The following ALDH1A1 variants were observed in gnomAD, a reference collection of about 807,000 sequenced individuals.
ALDH1A1 encodes the protein aldehyde dehydrogenase 1 family member A1, also known as aldehyde dehydrogenase 1A1.
Under a neutral mutation model 62.1 loss-of-function variants are expected in ALDH1A1, and 19 were observed. The observed-to-expected ratio is 0.31, with a 90% CI of 0.21 to 0.45. The LOEUF is 0.45. Ranked by LOEUF, ALDH1A1 falls within the 20% of genes least tolerant of loss-of-function variation. The probability of loss-of-function intolerance (pLI) is 1.00; values close to 1 mark genes in which losing one functional copy is unlikely to be tolerated. For synonymous variants in ALDH1A1, 231 were observed against 215.9 expected, an observed-to-expected ratio of 1.07 and a Z score of -0.61; for missense variants, 521 against 607.1, an observed-to-expected ratio of 0.86 and a Z score of 1.49.
intron 11 of ALDH1A1, among the ~76,000 whole-genome samples, chr9:72,907,886 GACTATTCAAGAAGA>G (rs1482946102): frequency 1.3e-5 from 2 of 152,088 alleles, no homozygotes; most frequent in Non-Finnish European, 2.9e-5. Flanking sequence ...TAGCTATACC[GACTATTCAAGAAGA>G]ACTTGCTGAA....
At chr9:72,908,597 AAGAAAGAAAG>A (rs1484877466) in intron 11 of ALDH1A1, among the ~76,000 whole-genome samples, 1 of 145,492 alleles carries the variant, frequency 6.9e-6, no homozygotes, top group Non-Finnish European at 1.5e-5. Context: ...GAAAGAAAGA[AAGAAAGAAAG>A]AAAGAAAGAA....
rs111512367 is a variant in ALDH1A1, at chr9:72,924,150, T to G, written c.634-18A>C. ...AACCCTGCCTAAAAGATAAAAAGTT[T>G]AAAAGTTACAGTATAAGAATTTAAT... On this transcript the variant is annotated intron_variant, in intron 6 of 12. Transcript: ENST00000297785. 16 of 1,560,782 alleles carry G rather than the reference T, an allele frequency of 1.0e-5. No individual in the cohort carries two copies. The highest frequency in any genetic ancestry group is 7.9e-6 in the Non-Finnish European group (9 of 1,141,908).
In ALDH1A1 at chr9:72,947,086, T is replaced by C. The variant is rs538549866; in HGVS notation, c.66+5849A>G. Among the ~76,000 whole-genome samples, 81 of 152,096 alleles carry C rather than the reference T, an allele frequency of 5.3e-4. 1 individual carries two copies. Among genetic ancestry groups the C allele is most frequent in the African/African-American group, 1.1e-3 (44 of 41,554 alleles). ...CATGTGTTCTTTACTTTAGAATTGT[T>C]AATTCCATTTTCTTACAGTCAGGCA... is the stretch of plus-strand genomic sequence containing the variant. On this transcript the variant is annotated intron_variant, in intron 1 of 12. Coordinates refer to ENST00000297785, the MANE Select transcript of ALDH1A1 (RefSeq NM_000689.5).
At chr9:72,935,736 A>G (rs1334485410) in intron 2 of ALDH1A1, among the ~76,000 whole-genome samples, 9 of 152,130 alleles carry the variant, frequency 5.9e-5, no homozygotes, top group Non-Finnish European at 1.0e-4. Context: ...TCTTTTCTTT[A>G]TAATACCGTT....
At chr9:72,946,848 T>A (rs1220086147) in intron 1 of ALDH1A1, among the ~76,000 whole-genome samples, 2 of 151,986 alleles carry the variant, frequency 1.3e-5, no homozygotes, top group Non-Finnish European at 2.9e-5. Context: ...TTGCAACATA[T>A]CATCCTATAG....
rs1282838720 is a variant in ALDH1A1 at position 72,927,194 on chromosome 9, A to C, written c.443-17T>G. The C allele has an allele frequency of 6.4e-7, 1 of 1,556,350 alleles. No individual in the cohort carries two copies. Among genetic ancestry groups the C allele is most frequent in the Non-Finnish European group, 8.8e-7 (1 of 1,135,418 alleles). ...AATTTCCATCTGAAAAATAAAACAC[A>C]CACAATCATATATAAACAAATGTAT... On this transcript the variant is annotated splice_polypyrimidine_tract_variant and intron_variant, in intron 4 of 12. Transcript: ENST00000297785.
chr9:72,937,590 C>T (rs1554742529), intron 2 of ALDH1A1, among the ~76,000 whole-genome samples: 2 of 152,148 alleles, frequency 1.3e-5, no homozygotes, highest in Admixed American at 1.3e-4. Flanking sequence ...AATCTACGCT[C>T]TTACTATAGA....
At chr9:72,946,166 C>A (rs566908189) in intron 1 of ALDH1A1, among the ~76,000 whole-genome samples, 1 of 152,032 alleles carries the variant, frequency 6.6e-6, no homozygotes, top group South Asian at 2.1e-4. Flanking sequence ...AAAGTTCTGC[C>A]CATTTTTAGC....
intron 1 of ALDH1A1, among the ~76,000 whole-genome samples, chr9:72,947,111 A>G (rs1830485905): frequency 6.6e-6 from 1 of 151,962 alleles, no homozygotes; most frequent in African/African-American, 2.4e-5. Flanking sequence ...ACAGTCAGGC[A>G]GGTGCCAGAA....
chr9:72,934,523 G>A (rs1456961677), intron 2 of ALDH1A1, among the ~76,000 whole-genome samples: 2 of 152,044 alleles, frequency 1.3e-5, no homozygotes, highest in African/African-American at 2.4e-5. Context: ...CAAACTTAGT[G>A]TTTACATTTT....
intron 1 of ALDH1A1, among the ~76,000 whole-genome samples, chr9:72,951,810 T>C (rs1267405064): frequency 2.6e-5 from 4 of 152,032 alleles, no homozygotes; most frequent in South Asian, 4.1e-4. Context: ...TACCTTAAAA[T>C]ACACTTCATA....
At chr9:72,952,903 G>T in intron 1 of ALDH1A1, 32 bp downstream of exon 1, 1 of 1,607,636 alleles carries the variant, frequency 6.2e-7, no homozygotes, top group Non-Finnish European at 8.5e-7. Flanking sequence ...TTGCAAACCC[G>T]AGTCAAAGCA....
At chr9:72,904,943 T>C (rs1330499835) in intron 12 of ALDH1A1, among the ~76,000 whole-genome samples, 2 of 152,196 alleles carry the variant, frequency 1.3e-5, no homozygotes, top group Non-Finnish European at 2.9e-5. Context: ...ACATAGCAAG[T>C]GCTTAATAAA....
chr9:72,918,949 T>C (rs1830099057), intron 7 of ALDH1A1, 127 bp from the exon 8 acceptor site: 3 of 427,664 alleles, frequency 7.0e-6, no homozygotes, highest in South Asian at 9.0e-5. Context: ...ACCAAATGGC[T>C]TTTTTTTTTG....
chr9:72,929,919 C>T (rs1418095538), intron 3 of ALDH1A1, among the ~76,000 whole-genome samples: 1 of 152,188 alleles, frequency 6.6e-6, no homozygotes, highest in East Asian at 1.9e-4. Flanking sequence ...TTTCTTCCTA[C>T]AGGTCATTTT....
At chr9:72,945,903 A>G (rs536184080) in intron 1 of ALDH1A1, among the ~76,000 whole-genome samples, 1 of 152,168 alleles carries the variant, frequency 6.6e-6, no homozygotes, top group African/African-American at 2.4e-5. Context: ...AACAAAAAAT[A>G]GGAGAAATAA....
intron 7 of ALDH1A1, among the ~76,000 whole-genome samples, chr9:72,920,943 G>A (rs554735844): frequency 6.6e-6 from 1 of 152,326 alleles, no homozygotes; most frequent in South Asian, 2.1e-4. Context: ...TGTGGGTAGA[G>A]TTCTATTTTA....
At chr9:72,914,581 T>A (rs901608963) in intron 9 of ALDH1A1, among the ~76,000 whole-genome samples, 18 of 152,180 alleles carry the variant, frequency 1.2e-4, no homozygotes, top group African/African-American at 4.1e-4. Flanking sequence ...TAGTATCGTT[T>A]ATGTGGCTAT....
chr9:72,944,804 T>A (rs1830457599), intron 1 of ALDH1A1, among the ~76,000 whole-genome samples: 1 of 152,110 alleles, frequency 6.6e-6, no homozygotes, highest in Non-Finnish European at 1.5e-5. Flanking sequence ...AATTTTGGAC[T>A]TAGGTGACTT....
Sources: gnomAD v4.1 joint callset for allele counts (sites outside exome capture counted in the v4.1 genomes callset) on GRCh38, gnomAD v4.1.1 for gene constraint, MANE v1.5 for transcripts, NCBI Gene and HGNC (gene_info 2026-07-23, HGNC 2026-07-21) for gene names.